Variants in TWSG1 observed in about 807,000 individuals in gnomAD.
The protein encoded by TWSG1 is twisted gastrulation protein homolog 1.
TWSG1 carries 15 observed loss-of-function variants against 23.0 expected under a neutral mutation model. The observed-to-expected ratio is 0.65, with a 90% CI of 0.44 to 1.00. TWSG1 has a LOEUF of 1.00. TWSG1 is among the 50% of genes least tolerant of loss of function. TWSG1 has a pLI of 0.00. For missense variants in TWSG1, 242 were observed against 278.7 expected (o/e 0.87, Z 0.94); for synonymous variants, 86 against 92.8 (o/e 0.93, Z 0.42).
At chr18:9,398,210 T>A (rs542638740) in intron 4 of TWSG1, among the ~76,000 whole-genome samples, 1 of 152,260 alleles carries the variant, frequency 6.6e-6, no homozygotes, top group Admixed American at 6.5e-5. Flanking sequence ...TTTGTTATCA[T>A]TTTCTCCATT....
At chr18:9,381,005 A>G (rs1303505819) in intron 3 of TWSG1, among the ~76,000 whole-genome samples, 1 of 152,194 alleles carries the variant, frequency 6.6e-6, no homozygotes, top group African/African-American at 2.4e-5. Context: ...AAATAATAGG[A>G]GTTGTTTTGC....
intron 2 of TWSG1, among the ~76,000 whole-genome samples, chr18:9,356,274 T>C (rs941372532): frequency 2.6e-5 from 4 of 152,314 alleles, no homozygotes; most frequent in Admixed American, 1.3e-4. Context: ...ATTAAGAGGG[T>C]GTGAAATACA....
In TWSG1 at chr18:9,401,973, C is replaced by T. The variant is rs1478900063; in HGVS notation, c.*2446C>T. Reference sequence around the variant, plus strand: ...TTATAGTAAGACTTGTGCTTGTTAGCAGGTTTTTCTGTTAGTTTTTCCCCC... The same window carrying T: ...TTATAGTAAGACTTGTGCTTGTTAGTAGGTTTTTCTGTTAGTTTTTCCCCC... On this transcript the variant is annotated 3_prime_UTR_variant, in exon 5 of 5. Coordinates refer to ENST00000262120, the MANE Select transcript of TWSG1 (RefSeq NM_020648.6). 6.6e-6 allele frequency: 1 copy of T among 152,008 alleles called. No homozygotes were observed. Among genetic ancestry groups the T allele is most frequent in the African/African-American group, 2.4e-5 (1 of 41,424 alleles). The allele number at this position is 152,008 out of a possible 1,614,324, so 9.4% of individuals were successfully genotyped here.
At chr18:9,354,558 A>G (rs1394972207) in intron 2 of TWSG1, among the ~76,000 whole-genome samples, 2 of 152,252 alleles carry the variant, frequency 1.3e-5, no homozygotes, top group Non-Finnish European at 2.9e-5. Context: ...AATAATAGTA[A>G]AATAGAAACT....
chr18:9,393,966 T>C (rs2040723305), intron 3 of TWSG1, among the ~76,000 whole-genome samples: 1 of 152,190 alleles, frequency 6.6e-6, no homozygotes. Flanking sequence ...TCCCCAGTTA[T>C]TAATACAGCC....
chr18:9,383,922 G>T (rs2040670711), intron 3 of TWSG1, among the ~76,000 whole-genome samples: 1 of 152,118 alleles, frequency 6.6e-6, no homozygotes, highest in African/African-American at 2.4e-5. Flanking sequence ...GGGGAGAAAT[G>T]GCTGAGTATA....
chr18:9,390,229 C>T (rs7244054), intron 3 of TWSG1, among the ~76,000 whole-genome samples: 38,750 of 151,740 alleles, frequency 0.26, 5,063 homozygotes, highest in East Asian at 0.29. Context: ...GGCGCGATCT[C>T]GGTTCACTGC....
intron 3 of TWSG1, among the ~76,000 whole-genome samples, chr18:9,386,088 G>C (rs1277461051): frequency 6.6e-6 from 1 of 151,754 alleles, no homozygotes; most frequent in Non-Finnish European, 1.5e-5. Flanking sequence ...AGAATCGCTT[G>C]ATCCCGGGAG....
chr18:9,386,320 C>T (rs2040684071), intron 3 of TWSG1, among the ~76,000 whole-genome samples: 1 of 151,084 alleles, frequency 6.6e-6, no homozygotes, highest in African/African-American at 2.4e-5. Context: ...ATTAGCCGGG[C>T]GTGGTAGTGG....
chr18:9,391,016 TAAATAA>T (rs2040709775), intron 3 of TWSG1, among the ~76,000 whole-genome samples: 2 of 152,128 alleles, frequency 1.3e-5, no homozygotes, highest in Admixed American at 1.3e-4. Flanking sequence ...TCTCTCTCAA[TAAATAA>T]AAATAAAAAA....
rs1175916093 is a variant in TWSG1, at chr18:9,392,738, ATTTG to A, written c.224-3534_224-3531del. 1.2e-4 allele frequency among the ~76,000 whole-genome samples: 19 copies of A among 152,034 alleles called. No individual in the cohort carries two copies. In the East Asian group the frequency reaches 3.1e-3, roughly 25 times the overall value. On this transcript the variant is annotated intron_variant, in intron 3 of 4. Coordinates refer to ENST00000262120, the MANE Select transcript of TWSG1 (RefSeq NM_020648.6). ...TTTTTGGCTTAAAAAATACTGGGTT[ATTTG>A]TTTGTTTACTGTGAAAGAGAGCAGA...
chr18:9,341,725 T>C (rs2040447121), intron 2 of TWSG1, among the ~76,000 whole-genome samples: 1 of 152,194 alleles, frequency 6.6e-6, no homozygotes, highest in African/African-American at 2.4e-5. Flanking sequence ...TTCTGTTCTA[T>C]CAACTGGAGA....
intron 3 of TWSG1, among the ~76,000 whole-genome samples, chr18:9,373,063 A>C (rs1302623493): frequency 1.3e-5 from 2 of 152,202 alleles, no homozygotes; most frequent in East Asian, 3.8e-4. Flanking sequence ...ATGGAGAATG[A>C]TATACAATGG....
At chr18:9,351,622 G>GTTTT (rs71168051) in intron 2 of TWSG1, among the ~76,000 whole-genome samples, 1 of 116,608 alleles carries the variant, frequency 8.6e-6, no homozygotes, top group Non-Finnish European at 1.8e-5. Flanking sequence ...ACCATGCTGG[G>GTTTT]TTTTTTTTTT....
At chr18:9,388,574 C>T (rs1011843105) in intron 3 of TWSG1, among the ~76,000 whole-genome samples, 1 of 152,198 alleles carries the variant, frequency 6.6e-6, no homozygotes, top group Admixed American at 6.5e-5. Context: ...TCTTTAACAG[C>T]AAATCAGGGA....
At chr18:9,368,863 G>A (rs865869657) in intron 3 of TWSG1, among the ~76,000 whole-genome samples, 11 of 152,150 alleles carry the variant, frequency 7.2e-5, no homozygotes, top group African/African-American at 2.6e-4. Flanking sequence ...CAGGAGAATC[G>A]CTTGAGCCTG....
At chr18:9,363,736 C>A (rs2040563722) in intron 3 of TWSG1, among the ~76,000 whole-genome samples, 1 of 152,092 alleles carries the variant, frequency 6.6e-6, no homozygotes, top group Non-Finnish European at 1.5e-5. Flanking sequence ...AGTGATTCTC[C>A]TGCCTCAGCC....
intron 2 of TWSG1, among the ~76,000 whole-genome samples, chr18:9,354,392 C>T (rs1415482322): frequency 6.6e-6 from 1 of 152,104 alleles, no homozygotes; most frequent in Non-Finnish European, 1.5e-5. Context: ...CTTCAGGGAA[C>T]TTGGTGTTTA....
At chr18:9,337,931 G>A (rs1331428001) in intron 2 of TWSG1, among the ~76,000 whole-genome samples, 2 of 152,182 alleles carry the variant, frequency 1.3e-5, no homozygotes, top group African/African-American at 4.8e-5. Flanking sequence ...AAGATACTTC[G>A]AAGTTATATC....
Sources: allele counts gnomAD v4.1 joint callset (sites outside exome capture counted in the v4.1 genomes callset), GRCh38; gene constraint gnomAD v4.1.1; transcripts MANE v1.5; gene names NCBI Gene and HGNC (gene_info 2026-07-23, HGNC 2026-07-21).